CAMK1D: variants seen among roughly 807,000 people sequenced by gnomAD.
The protein encoded by CAMK1D is calcium/calmodulin dependent protein kinase ID.
In CAMK1D, 9 loss-of-function variants were observed where a neutral mutation model predicts 47.7. The observed-to-expected ratio is 0.19, with a 90% CI of 0.11 to 0.33. The LOEUF (loss-of-function observed/expected upper bound fraction) is 0.33. Ranked by LOEUF, CAMK1D falls within the 10% of genes least tolerant of loss-of-function variation. CAMK1D has a pLI of 1.00. For missense variants in CAMK1D, 291 were observed against 488.7 expected (o/e 0.60, Z 3.81); for synonymous variants, 184 against 184.9 (o/e 0.99, Z 0.04).
intron 1 of CAMK1D, among the ~76,000 whole-genome samples, chr10:12,375,768 A>G (rs1838159342): frequency 6.6e-6 from 1 of 152,066 alleles, no homozygotes; most frequent in Non-Finnish European, 1.5e-5. Flanking sequence ...GACATGATTT[A>G]TGGGAAGCAG....
At chr10:12,611,571 T>C (rs913754365) in intron 2 of CAMK1D, among the ~76,000 whole-genome samples, 5 of 145,276 alleles carry the variant, frequency 3.4e-5, no homozygotes, top group African/African-American at 1.2e-4. Flanking sequence ...CCCAGTTCCC[T>C]GAATGTTTCA....
At chr10:12,641,089 C>T (rs1224380906) in intron 2 of CAMK1D, among the ~76,000 whole-genome samples, 1 of 152,066 alleles carries the variant, frequency 6.6e-6, no homozygotes. Context: ...CCTGCCTCAG[C>T]CTCCCGAGTA....
intron 2 of CAMK1D, among the ~76,000 whole-genome samples, chr10:12,582,910 C>T (rs2399870): frequency 0.57 from 87,093 of 152,064 alleles, 25,151 homozygotes; most frequent in Middle Eastern, 0.69. Flanking sequence ...TAGTCCAGGA[C>T]GCAGAAGTCC....
At position 12,833,357 on chromosome 10, in the gene CAMK1D, C is replaced by T. The variant is rs1314007125; in HGVS notation, c.*4470C>T. The T allele has an allele frequency of 6.6e-6, 1 of 152,284 alleles. No individual in the cohort carries two copies. Among genetic ancestry groups the T allele is most frequent in the Non-Finnish European group, 1.5e-5 (1 of 68,090 alleles). The allele number at this position is 152,284 out of a possible 1,614,324, so 9.4% of individuals were successfully genotyped here. On this transcript the variant is annotated 3_prime_UTR_variant, in exon 11 of 11. Coordinates refer to ENST00000619168, the MANE Select transcript of CAMK1D (RefSeq NM_153498.4). ...ATCCCCTTTGGAAAGTGGATTGATC[C>T]TCTCCCCTGTGGAATGACAGCTTAA...
At chr10:12,399,194 A>T (rs902983909) in intron 1 of CAMK1D, among the ~76,000 whole-genome samples, 1 of 152,126 alleles carries the variant, frequency 6.6e-6, no homozygotes, top group Non-Finnish European at 1.5e-5. Flanking sequence ...GTAGTCCCCA[A>T]GTATATCCAG....
At chr10:12,482,465 T>A (rs1834092777) in intron 1 of CAMK1D, among the ~76,000 whole-genome samples, 1 of 152,226 alleles carries the variant, frequency 6.6e-6, no homozygotes, top group African/African-American at 2.4e-5. Context: ...CTTTCACTCT[T>A]TATGCTCCAG....
chr10:12,806,480 C>A (rs957948140), intron 6 of CAMK1D, among the ~76,000 whole-genome samples: 1 of 152,218 alleles, frequency 6.6e-6, no homozygotes, highest in Non-Finnish European at 1.5e-5. Flanking sequence ...TGCCTTCCTG[C>A]AGCAGCTGTG....
chr10:12,388,528 AAATGTTTTT>A (rs1325880782), intron 1 of CAMK1D, among the ~76,000 whole-genome samples: 1 of 152,204 alleles, frequency 6.6e-6, no homozygotes, highest in Non-Finnish European at 1.5e-5. Context: ...TTGGCCCAGG[AAATGTTTTT>A]GGCAGTCTGA....
rs1359078076 is a variant in CAMK1D at position 12,404,541 on chromosome 10, G to T, written c.92+54631G>T. 5.3e-5 allele frequency among the ~76,000 whole-genome samples: 8 copies of T among 152,252 alleles called. No homozygotes were observed. In the East Asian group the frequency reaches 1.2e-3, roughly 22 times the overall value. On this transcript the variant is annotated intron_variant, in intron 1 of 10. Coordinates refer to ENST00000619168, the MANE Select transcript of CAMK1D (RefSeq NM_153498.4). Reference sequence around the variant, plus strand: ...TGTAGGAAAGCTAGGAGAGAAAGCTGTTTGTTACTGTTCATTATGTATTGT... The same window carrying T: ...TGTAGGAAAGCTAGGAGAGAAAGCTTTTTGTTACTGTTCATTATGTATTGT...
intron 6 of CAMK1D, among the ~76,000 whole-genome samples, chr10:12,797,456 G>A (rs868417359): frequency 6.6e-6 from 1 of 151,816 alleles, no homozygotes; most frequent in African/African-American, 2.4e-5. Flanking sequence ...CTGACCTCAA[G>A]TGATCCTCCC....
In CAMK1D at chr10:12,816,291, A is replaced by G. The variant is rs1832789382; in HGVS notation, c.796A>G (p.Lys266Glu). 2 of 1,613,846 alleles carry G rather than the reference A, an allele frequency of 1.2e-6. No individual in the cohort carries two copies. The highest frequency in any genetic ancestry group is 1.7e-6 in the Non-Finnish European group (2 of 1,179,930). ...GAACCTGATGGAGAAGGACCCGAAT[A>G]AAAGATACACGTGTGAGCAGGCAGC... is the stretch of plus-strand genomic sequence containing the variant. ...IRNLMEKDPN[K>E]RYTCEQAARH... The change falls in exon 8 of 11, where the codon AAA (lysine) becomes GAA (glutamate). Residue 266 changes from lysine (K) to glutamate (E), a missense_variant. Physicochemically the swap from Lys to Glu is moderately conservative, Grantham distance 56. Coordinates refer to ENST00000619168, the MANE Select transcript of CAMK1D (RefSeq NM_153498.4).
rs1491371180 is a variant in CAMK1D at position 12,694,139 on chromosome 10, TAA to T, written c.299+27330_299+27331del. On this transcript the variant is annotated intron_variant, in intron 3 of 10. Transcript: ENST00000619168. ...TATTATGCATAATATATATTATATA[TAA>T]TATAATATATAATATATATTATGCA... Among the ~76,000 whole-genome samples the T allele has an allele frequency of 3.1e-4, 7 of 22,794 alleles. 3 individuals carry two copies. In the Admixed American group the frequency reaches 5.8e-3, roughly 19 times the overall value. 15.0% of individuals were successfully genotyped at this position (22,794 alleles called of 152,430 possible).
chr10:12,713,510 G>A (rs1397011451), intron 3 of CAMK1D, among the ~76,000 whole-genome samples: 4 of 152,230 alleles, frequency 2.6e-5, no homozygotes, highest in African/African-American at 9.6e-5. Context: ...ACGGTACACA[G>A]TTGTTCACTG....
Position 12,609,271 on chromosome 10 carries a change from T to TAG in CAMK1D, c.224+55918_224+55919dup, listed in dbSNP as rs1451845802. On this transcript the variant is annotated intron_variant, in intron 2 of 10. Transcript: ENST00000619168. ...GGCCTGTTGGGGGAAGGGGACTGTG[T>TAG]AGAGCATCGCTCCCCAATCTTTTGG... Among the ~76,000 whole-genome samples, 4 of 152,276 alleles carry TAG rather than the reference T, an allele frequency of 2.6e-5. No homozygotes were observed. In the East Asian group the frequency reaches 7.7e-4, roughly 29 times the overall value.
intron 2 of CAMK1D, among the ~76,000 whole-genome samples, chr10:12,591,713 A>G (rs746149126): frequency 3.3e-5 from 5 of 152,192 alleles, no homozygotes; most frequent in Non-Finnish European, 7.3e-5. Flanking sequence ...TTGTTTTTTG[A>G]GACGGAGTCT....
At chr10:12,457,084 G>GAT (rs772921385) in intron 1 of CAMK1D, among the ~76,000 whole-genome samples, 5 of 152,096 alleles carry the variant, frequency 3.3e-5, no homozygotes, top group Non-Finnish European at 7.4e-5. Flanking sequence ...AGCTGTTAAA[G>GAT]AGAATGATAA....
At chr10:12,455,364 G>A (rs545557282) in intron 1 of CAMK1D, among the ~76,000 whole-genome samples, 43 of 152,196 alleles carry the variant, frequency 2.8e-4, no homozygotes, top group Middle Eastern at 3.4e-3. Flanking sequence ...GTAGAGACAG[G>A]GGTTTTGCCA....
chr10:12,654,672 A>G (rs1370169742), intron 2 of CAMK1D, among the ~76,000 whole-genome samples: 3 of 152,230 alleles, frequency 2.0e-5, no homozygotes, highest in Non-Finnish European at 2.9e-5. Context: ...TGGGTTGGCC[A>G]TGTAGCCTTA....
intron 2 of CAMK1D, among the ~76,000 whole-genome samples, chr10:12,594,761 T>G (rs1215515366): frequency 6.6e-6 from 1 of 151,946 alleles, no homozygotes; most frequent in East Asian, 1.9e-4. Context: ...AAAAACAAAA[T>G]CAGGAAACTG....
Sources: gnomAD v4.1 joint callset for allele counts (sites outside exome capture counted in the v4.1 genomes callset) on GRCh38, gnomAD v4.1.1 for gene constraint, MANE v1.5 for transcripts, NCBI Gene and HGNC (gene_info 2026-07-23, HGNC 2026-07-21) for gene names.